DHX30: variants seen among roughly 807,000 people sequenced by gnomAD.
The protein encoded by DHX30 is DExH-box helicase 30, also known as ATP-dependent RNA helicase DHX30.
In DHX30, 4 loss-of-function variants were observed where a neutral mutation model predicts 116.9. The observed-to-expected ratio is 0.03, with a 90% confidence interval of 0.02 to 0.08. The LOEUF is 0.08. DHX30 is among the 10% of genes least tolerant of loss of function. The pLI, the probability that DHX30 is intolerant of heterozygous loss-of-function variation, is 1.00. For synonymous variants in DHX30, 697 were observed against 651.7 expected (o/e 1.07, Z -1.06); for missense variants, 871 against 1,595.1 (o/e 0.55, Z 7.73).
At chr3:47,803,440 C>T (rs1395257455) in intron 1 of DHX30, among the ~76,000 whole-genome samples, 10 of 152,066 alleles carry the variant, frequency 6.6e-5, no homozygotes, top group African/African-American at 2.4e-4. Context: ...CCATGGAGCC[C>T]GGGCGGGGGC....
intron 6 of DHX30, among the ~76,000 whole-genome samples, chr3:47,840,239 C>T (rs374156613): frequency 2.4e-4 from 37 of 151,580 alleles, no homozygotes; most frequent in African/African-American, 6.8e-4. Flanking sequence ...CGTCATGATC[C>T]GCCCGTCTCG....
chr3:47,829,166 CTT>C, intron 6 of DHX30, 32 bp downstream of exon 6: 3 of 1,251,044 alleles, frequency 2.4e-6, no homozygotes, highest in Non-Finnish European at 3.4e-6. Context: ...CCACTGAGAC[CTT>C]CCTCCTGGAA....
In DHX30 at chr3:47,841,183, A is replaced by G; in HGVS notation, c.668+5A>G. ...CGCTCCACTCAGGGACTCAAGGTAC[A>G]GATGGAGGATGGGGATGCAGCAGAG... On this transcript the variant is annotated splice_donor_5th_base_variant and intron_variant, in intron 7 of 21. Transcript: ENST00000445061. The G allele has an allele frequency of 4.3e-6, 7 of 1,613,100 alleles. No homozygotes were observed. Among genetic ancestry groups the G allele is most frequent in the Non-Finnish European group, 3.4e-6 (4 of 1,179,900 alleles).
intron 6 of DHX30, among the ~76,000 whole-genome samples, chr3:47,833,537 C>CAAAAAAAAA (rs71070236): frequency 3.2e-5 from 2 of 62,426 alleles, no homozygotes; most frequent in East Asian, 4.9e-4. Flanking sequence ...CTCTCTCTCT[C>CAAAAAAAAA]AAAAAAAAAA....
chr3:47,824,084 C>A (rs998844160), intron 4 of DHX30, among the ~76,000 whole-genome samples: 1 of 147,878 alleles, frequency 6.8e-6, no homozygotes, highest in African/African-American at 2.5e-5. Flanking sequence ...CTTACTGCAA[C>A]CTCCGCCTCC....
chr3:47,849,616 CCT>C lies in DHX30; in HGVS notation c.3192-13_3192-12del. On this transcript the variant is annotated splice_polypyrimidine_tract_variant and intron_variant, in intron 20 of 21. Transcript: ENST00000445061. ...GGTCCAAAAGGGTGGCCTCACCAGC[CCT>C]GTGTTCCCTAGGGAGGCCACACGGT... is the stretch of plus-strand genomic sequence containing the variant. 6.2e-7 allele frequency: 1 copy of C among 1,614,102 alleles called. No individual in the cohort carries two copies. The highest frequency in any genetic ancestry group is 8.5e-7 in the Non-Finnish European group (1 of 1,179,980).
intron 3 of DHX30, among the ~76,000 whole-genome samples, chr3:47,812,776 G>C (rs913874502): frequency 6.7e-6 from 1 of 149,458 alleles, no homozygotes; most frequent in Non-Finnish European, 1.5e-5. Flanking sequence ...CAATTCTCCT[G>C]CCTCAGCCTC....
Position 47,849,745 on chromosome 3 carries a change from A to G in DHX30, c.3307A>G (p.Thr1103Ala), listed in dbSNP as rs990391934. The G allele has an allele frequency of 3.7e-6, 6 of 1,613,594 alleles. No individual in the cohort carries two copies. The African/African-American group carries it at 8.0e-5, about 22-fold the overall frequency. The change falls in exon 21 of 22, where the codon ACC (threonine) becomes GCC (alanine). Residue 1103 changes from threonine (T) to alanine (A), a missense_variant. Physicochemically the swap from Thr to Ala is moderately conservative, Grantham distance 58. This residue lies in a region of DHX30 where 238 missense variants were observed against 481.0 expected (regional missense o/e 0.49). Coordinates refer to ENST00000445061, the MANE Select transcript of DHX30 (RefSeq NM_138615.3). ...QVHPLAVLLL[T>A]DGDVHIRDDG... is the part of the protein sequence containing the mutation. ...GCACCCGCTAGCTGTGCTGCTGCTG[A>G]CCGACGGGGACGTGCACATCCGTGG... is the stretch of plus-strand genomic sequence containing the variant.
rs200180200 is a variant in DHX30 at position 47,816,356 on chromosome 3, CTTTTTTTTT to C, written c.29-1654_29-1646del. The C allele has an allele frequency of 8.9e-5, 82 of 924,604 alleles. No homozygotes were observed. The East Asian group carries it at 7.7e-3, about 87-fold the overall frequency. 57.3% of individuals were successfully genotyped at this position (924,604 alleles called of 1,614,324 possible). A position where few individuals can be genotyped will look rare whatever the true frequency, so the allele number is the denominator to read the frequency against. ...CTGCAAATGTACAAAGAGCCGTCTT[CTTTTTTTTT>C]TTTTTTTTTTTAAGACGGAGTCTTG... On this transcript the variant is annotated intron_variant, in intron 3 of 21. Coordinates refer to ENST00000445061, the MANE Select transcript of DHX30 (RefSeq NM_138615.3).
Position 47,843,158 on chromosome 3 carries a change from C to T in DHX30, c.842C>T (p.Thr281Ile), listed in dbSNP as rs2037457145. 1.2e-6 allele frequency: 2 copies of T among 1,614,292 alleles called. No homozygotes were observed. Among genetic ancestry groups the T allele is most frequent in the Non-Finnish European group, 1.7e-6 (2 of 1,180,052 alleles). Residue 281 changes from threonine to isoleucine, a missense_variant, in exon 9 of 22, where the codon ACC becomes ATC. By Grantham distance (89) the Thr-to-Ile change is moderately conservative (BLOSUM62 -1). Transcript: ENST00000445061. Reference sequence around the variant, plus strand: ...ACCAAGACCAAGCTGTCTACACTCACCCTGCTCTGGCCCTGCCCCATGACC... The same window carrying T: ...ACCAAGACCAAGCTGTCTACACTCATCCTGCTCTGGCCCTGCCCCATGACC... ...VGTKTKLSTL[T>I]LLWPCPMTFV...
chr3:47,848,707 A>G lies in DHX30; in HGVS notation c.2659A>G (p.Ile887Val), dbSNP rs773904859. The change falls in exon 17 of 22, where the codon ATT becomes GTT. Residue 887 changes from isoleucine to valine, a missense_variant. Physicochemically the swap from Ile to Val is conservative, Grantham distance 29. This residue lies in a region of DHX30 where 238 missense variants were observed against 481.0 expected (regional missense o/e 0.49). Coordinates refer to ENST00000445061, the MANE Select transcript of DHX30 (RefSeq NM_138615.3). This position sits in a 1 kb window ranked among gnomAD's most constrained non-coding sequence, Gnocchi z 9.4. Reference protein sequence around the residue: ...ISTDPRLAKAIVLAAIFRCLH... With the variant: ...ISTDPRLAKAVVLAAIFRCLH... ...CACCGACCCCCGGTTGGCCAAGGCC[A>G]TTGTGTTGGCTGCCATCTTCCGTTG... The G allele has an allele frequency of 1.9e-6, 3 of 1,614,000 alleles. No individual in the cohort carries two copies. Among genetic ancestry groups the G allele is most frequent in the African/African-American group, 2.7e-5 (2 of 74,914 alleles).
At position 47,827,487 on chromosome 3, in the gene DHX30, C is replaced by T. The variant is rs775679867; in HGVS notation, c.255+10C>T. ...TGGACCGAAGAAAAAGGTAACTCTG[C>T]TGGTGGCAAGGAAAAACATTGGTAT... is the stretch of plus-strand genomic sequence containing the variant. On this transcript the variant is annotated intron_variant, in intron 5 of 21. Transcript: ENST00000445061. 1.2e-6 allele frequency: 2 copies of T among 1,605,954 alleles called. No individual in the cohort carries two copies. Among genetic ancestry groups the T allele is most frequent in the South Asian group, 1.1e-5 (1 of 89,308 alleles).
chr3:47,843,377 C>A, intron 9 of DHX30, 122 bp downstream of exon 9: 1 of 1,344,444 alleles, frequency 7.4e-7, no homozygotes, highest in South Asian at 1.4e-5. Flanking sequence ...TTGCCTGGCA[C>A]AAAGACAGCT....
intron 7 of DHX30, 148 bp downstream of exon 7, chr3:47,841,326 C>T: frequency 7.8e-7 from 1 of 1,285,860 alleles, no homozygotes; most frequent in Non-Finnish European, 1.1e-6. Flanking sequence ...TGTGTCTGCC[C>T]ATTCTTGGGG....
chr3:47,847,936 C>A lies in DHX30; in HGVS notation c.2266C>A (p.Arg756Ser), dbSNP rs760564997. 1.2e-6 allele frequency: 2 copies of A among 1,614,012 alleles called. No homozygotes were observed. Among genetic ancestry groups the A allele is most frequent in the Admixed American group, 3.3e-5 (2 of 60,020 alleles). ...GGACAGTGGGCTGCACAAGGAAGAA[C>A]GCTATGACCTGAAGACCAAGGTGGC... ...VVDSGLHKEE[R>S]YDLKTKVSCL... The change falls in exon 14 of 22, where the codon CGC becomes AGC. Residue 756 changes from arginine (R) to serine (S), a missense_variant. Physicochemically the swap from Arg to Ser is moderately radical, Grantham distance 110 (BLOSUM62 -1). This residue lies in a region of DHX30 where 20 missense variants were observed against 82.2 expected (regional missense o/e 0.24). Coordinates refer to ENST00000445061, the MANE Select transcript of DHX30 (RefSeq NM_138615.3). The surrounding 1 kb of genome is among the most constrained non-coding windows in gnomAD (Gnocchi z 5.5).
intron 3 of DHX30, among the ~76,000 whole-genome samples, chr3:47,817,341 G>A (rs2036102597): frequency 6.6e-6 from 1 of 152,154 alleles, no homozygotes; most frequent in Admixed American, 6.6e-5. Context: ...GGAAGACTCA[G>A]TGCCTTAATT....
At position 47,816,859 on chromosome 3, in the gene DHX30, G is replaced by A. The variant is rs142609255; in HGVS notation, c.29-1163G>A. 255 of 984,994 alleles carry A rather than the reference G, an allele frequency of 2.6e-4. 1 individual carries two copies. In the Middle Eastern group the frequency reaches 3.7e-3, roughly 14 times the overall value. 61.0% of individuals were successfully genotyped at this position (984,994 alleles called of 1,614,324 possible). ...ACTGAAACATTGAAGAAATTGTATA[G>A]TGAACACCTTTGTATCTACCACCTT... On this transcript the variant is annotated intron_variant, in intron 3 of 21. Coordinates refer to ENST00000445061, the MANE Select transcript of DHX30 (RefSeq NM_138615.3).
intron 6 of DHX30, chr3:47,831,120 A>T (rs1258012941): frequency 2.1e-5 from 3 of 140,082 alleles, no homozygotes; most frequent in East Asian, 4.1e-4. Context: ...GTAATGTATT[A>T]AAAAAAAAAA....
At chr3:47,819,434 C>G (rs1334537989) in intron 4 of DHX30, among the ~76,000 whole-genome samples, 1 of 152,208 alleles carries the variant, frequency 6.6e-6, no homozygotes, top group Non-Finnish European at 1.5e-5. Flanking sequence ...GTGCTGTGCT[C>G]TCTTCCCCAG....
Sources: gnomAD v4.1 joint callset for allele counts (sites outside exome capture counted in the v4.1 genomes callset) on GRCh38, gnomAD v4.1.1 for gene constraint, gnomAD v4.1.1 regional missense constraint, Gnocchi (gnomAD v3.1) non-coding constraint, MANE v1.5 for transcripts, NCBI Gene and HGNC (gene_info 2026-07-23, HGNC 2026-07-21) for gene names.